Variants in ZNF84 observed in about 807,000 individuals in gnomAD.
ZNF84 encodes the protein zinc finger protein HPF2.
ZNF84 carries 12 observed loss-of-function variants against 14.8 expected under a neutral mutation model. The observed-to-expected ratio is 0.81, with a 90% CI of 0.52 to 1.31. ZNF84 has a LOEUF of 1.31. Ranked by LOEUF, ZNF84 falls within the 50% of genes most tolerant of loss-of-function variation. The pLI, the probability that ZNF84 is intolerant of heterozygous loss-of-function variation, is 0.00. For missense variants in ZNF84, 859 were observed against 878.6 expected (o/e 0.98, Z 0.28); for synonymous variants, 347 against 291.1 (o/e 1.19, Z -1.96).
At chr12:133,053,283 G>C (rs1954100910) in intron 4 of ZNF84, among the ~76,000 whole-genome samples, 1 of 152,198 alleles carries the variant, frequency 6.6e-6, no homozygotes, top group African/African-American at 2.4e-5. Context: ...GGGGAAGGCA[G>C]ATGTAAATTT....
At chr12:133,038,558 C>CA (rs67023898) in intron 1 of ZNF84, among the ~76,000 whole-genome samples, 41 of 142,298 alleles carry the variant, frequency 2.9e-4, no homozygotes, top group South Asian at 4.5e-4. Context: ...AAGACCCTGT[C>CA]AAAAAAAAAA....
intron 1 of ZNF84, chr12:133,040,922 T>C (rs1953875865): frequency 6.6e-6 from 1 of 152,398 alleles, no homozygotes; most frequent in Non-Finnish European, 1.5e-5. Context: ...TTGCCAAAAG[T>C]CATCTAGCTG....
In ZNF84 at chr12:133,059,262, C is replaced by A. The variant is rs1012148094; in HGVS notation, c.*330C>A. 5.1e-6 allele frequency: 2 copies of A among 389,966 alleles called. No homozygotes were observed. Among genetic ancestry groups the A allele is most frequent in the Admixed American group, 8.3e-5 (2 of 24,046 alleles). 24.2% of individuals were successfully genotyped at this position (389,966 alleles called of 1,614,324 possible). On this transcript the variant is annotated 3_prime_UTR_variant, in exon 5 of 5. Transcript: ENST00000539354. ...TATTCCCACTGGGGATGAGGGAAAA[C>A]CCCATGAATGCGGGAAATGAGGCAA...
chr12:133,044,371 T>G (rs1248376355), intron 2 of ZNF84, among the ~76,000 whole-genome samples: 1 of 150,900 alleles, frequency 6.6e-6, no homozygotes, highest in Non-Finnish European at 1.5e-5. Context: ...CCCACGCTGG[T>G]CTGGAACTCC....
intron 1 of ZNF84, chr12:133,037,879 C>T (rs992041256): frequency 6.6e-6 from 1 of 152,260 alleles, no homozygotes; most frequent in Non-Finnish European, 1.5e-5. Context: ...CGCGCCGTGG[C>T]CCTAAGGAGC....
chr12:133,062,290 TACCTATGGGTCC>T lies in ZNF84; in HGVS notation c.*3360_*3371del, dbSNP rs1468765736. ...TTTTTCTTGCAGGATCTGACATCATTACCTATGGGTCCATATATTTGTGATACTTTGGTTTCG... is the reference window on the plus strand; with the variant it reads ...TTTTTCTTGCAGGATCTGACATCATTATATATTTGTGATACTTTGGTTTCG... On this transcript the variant is annotated 3_prime_UTR_variant, in exon 5 of 5. Coordinates refer to ENST00000539354, the MANE Select transcript of ZNF84 (RefSeq NM_001289971.2). The T allele has an allele frequency of 1.3e-5, 2 of 152,354 alleles. No individual in the cohort carries two copies. Among genetic ancestry groups the T allele is most frequent in the Admixed American group, 6.5e-5 (1 of 15,306 alleles). 9.4% of individuals were successfully genotyped at this position (152,354 alleles called of 1,614,324 possible).
At chr12:133,048,611 C>T (rs376219964) in intron 3 of ZNF84, 142 bp from the exon 4 acceptor site, 48 of 581,598 alleles carry the variant, frequency 8.3e-5, no homozygotes, top group African/African-American at 2.4e-4. Flanking sequence ...CAAGGGAGAC[C>T]GTTACTGTAA....
Position 133,057,828 on chromosome 12 carries a change from A to T in ZNF84, c.1113A>T (p.Gly371=), listed in dbSNP as rs1954188200. 2 of 1,613,692 alleles carry T rather than the reference A, an allele frequency of 1.2e-6. No homozygotes were observed. Among genetic ancestry groups the T allele is most frequent in the African/African-American group, 1.3e-5 (1 of 74,846 alleles). ...TTACACATCACAGAACTCACACAGG[A>T]ACAAAACCCTTTGGATGTAGTGATT... The part of the protein sequence containing the change: ...QLVTHHRTHT[G]TKPFGCSDCR... Residue 371 remains glycine (G), a synonymous_variant, in exon 5 of 5, where the codon GGA becomes GGT. Transcript: ENST00000539354.
chr12:133,041,289 T>C lies in ZNF84; in HGVS notation c.-179T>C. 1 of 624,066 alleles carries C rather than the reference T, an allele frequency of 1.6e-6. No homozygotes were observed. Among genetic ancestry groups the C allele is most frequent in the Non-Finnish European group, 2.9e-6 (1 of 350,020 alleles). 38.7% of individuals were successfully genotyped at this position (624,066 alleles called of 1,614,324 possible). A position where few individuals can be genotyped will look rare whatever the true frequency, so the allele number is the denominator to read the frequency against. ...CATTTCTCCCGAAGTCCACAGATCC[T>C]GGTCCCTACAAATAAGCCTGCTCAT... is the stretch of plus-strand genomic sequence containing the variant. On this transcript the variant is annotated 5_prime_UTR_variant, in exon 2 of 5. Coordinates refer to ENST00000539354, the MANE Select transcript of ZNF84 (RefSeq NM_001289971.2).
intron 4 of ZNF84, among the ~76,000 whole-genome samples, chr12:133,049,256 C>T (rs1363802437): frequency 6.6e-6 from 1 of 152,086 alleles, no homozygotes; most frequent in Non-Finnish European, 1.5e-5. Context: ...CCCTCCTTCC[C>T]CTGTGGTCAA....
chr12:133,053,046 G>T (rs2137396221), intron 4 of ZNF84, among the ~76,000 whole-genome samples: 1 of 152,280 alleles, frequency 6.6e-6, no homozygotes, highest in South Asian at 2.1e-4. Context: ...ATTGAGTCAA[G>T]AAATTTTGAA....
chr12:133,058,931 A>G lies in ZNF84; in HGVS notation c.2216A>G (p.Ter739TrpextTer4). The change falls in exon 5 of 5, where the codon TAG becomes TGG. Residue 739 changes from the stop codon to tryptophan (W), a stop_lost. Coordinates refer to ENST00000539354, the MANE Select transcript of ZNF84 (RefSeq NM_001289971.2). ...HQRTHTVKKS* is the reference protein window; with the variant it reads ...HQRTHTVKKSW ...AGAACTCATACAGTAAAAAAATCCT[A>G]GGAATACAGTTAATAGTAGTCTTTG... 4 of 1,592,108 alleles carry G rather than the reference A, an allele frequency of 2.5e-6. No individual in the cohort carries two copies. The highest frequency in any genetic ancestry group is 3.4e-6 in the Non-Finnish European group (4 of 1,171,312).
chr12:133,039,284 T>TA (rs1566277039), intron 1 of ZNF84, among the ~76,000 whole-genome samples: 1 of 152,224 alleles, frequency 6.6e-6, no homozygotes, highest in East Asian at 1.9e-4. Context: ...GTTAGTGTGA[T>TA]ACAGTTGAGG....
rs1954241311 is a variant in ZNF84 at position 133,060,468 on chromosome 12, T to G, written c.*1536T>G. 1.3e-5 allele frequency: 2 copies of G among 152,336 alleles called. No individual in the cohort carries two copies. Among genetic ancestry groups the G allele is most frequent in the South Asian group, 4.1e-4 (2 of 4,828 alleles). 9.4% of individuals were successfully genotyped at this position (152,336 alleles called of 1,614,324 possible). A position where few individuals can be genotyped will look rare whatever the true frequency, so the allele number is the denominator to read the frequency against. On this transcript the variant is annotated 3_prime_UTR_variant, in exon 5 of 5. Coordinates refer to ENST00000539354, the MANE Select transcript of ZNF84 (RefSeq NM_001289971.2). ...AAAACATTGTAAGTCAAAAATGCAT[T>G]TAATACACCCAACTTACCAAACATC...
At chr12:133,044,688 G>C (rs1225797400) in intron 2 of ZNF84, among the ~76,000 whole-genome samples, 2 of 151,914 alleles carry the variant, frequency 1.3e-5, no homozygotes, top group Non-Finnish European at 2.9e-5. Flanking sequence ...GGCCGAGTAG[G>C]GTAGATCACG....
Position 133,041,483 on chromosome 12 carries a change from G to T in ZNF84, c.15+1G>T, listed in dbSNP as rs908159200. ...GCAGCAGAAAATGACCATGTTACAG[G>T]TGAGTTGATTGTTGAGTTCTTATTT... is the stretch of plus-strand genomic sequence containing the variant. On this transcript the variant is annotated splice_donor_variant, in intron 2 of 4. Transcript: ENST00000539354. LOFTEE classifies it high-confidence loss of function. 6.2e-7 allele frequency: 1 copy of T among 1,614,024 alleles called. No homozygotes were observed. The highest frequency in any genetic ancestry group is 1.7e-5 in the Admixed American group (1 of 60,006).
intron 2 of ZNF84, among the ~76,000 whole-genome samples, chr12:133,046,122 A>G (rs73423883): frequency 6.6e-6 from 1 of 151,616 alleles, no homozygotes; most frequent in Admixed American, 6.6e-5. Context: ...AGACTTTGAG[A>G]CAGAAATCCA....
intron 2 of ZNF84, among the ~76,000 whole-genome samples, chr12:133,044,366 G>A (rs1186617972): frequency 2.0e-5 from 3 of 147,622 alleles, no homozygotes; most frequent in Non-Finnish European, 4.5e-5. Flanking sequence ...TATTGCCCAC[G>A]CTGGTCTGGA....
chr12:133,056,247 T>C (rs1954155985), intron 4 of ZNF84, among the ~76,000 whole-genome samples: 1 of 152,118 alleles, frequency 6.6e-6, no homozygotes, highest in East Asian at 1.9e-4. Flanking sequence ...GAACTTATTT[T>C]TTTATTTTTT....
Sources: gnomAD v4.1 joint callset for allele counts (sites outside exome capture counted in the v4.1 genomes callset) on GRCh38, gnomAD v4.1.1 for gene constraint, MANE v1.5 for transcripts, NCBI Gene and HGNC (gene_info 2026-07-23, HGNC 2026-07-21) for gene names.